Variants in SPAG16 observed in about 807,000 individuals in gnomAD.
The protein encoded by SPAG16 is sperm-associated antigen 16 protein.
A neutral mutation model predicts 80.4 loss-of-function variants in SPAG16; 86 were observed. The observed-to-expected ratio is 1.07, with a 90% CI of 0.90 to 1.28. The LOEUF is 1.28. Ranked by LOEUF, SPAG16 falls within the 50% of genes most tolerant of loss-of-function variation. The pLI, the probability that SPAG16 is intolerant of heterozygous loss-of-function variation, is 0.00. For synonymous variants in SPAG16, 294 were observed against 265.9 expected (o/e 1.11, Z -1.03); for missense variants, 870 against 765.3 (o/e 1.14, Z -1.61).
At chr2:214,324,414 A>G (rs538440340) in intron 15 of SPAG16, among the ~76,000 whole-genome samples, 1 of 152,360 alleles carries the variant, frequency 6.6e-6, no homozygotes, top group South Asian at 2.1e-4. Flanking sequence ...TCTGTTTTCA[A>G]ACCACAAAAG....
rs141142858 is a variant in SPAG16 at position 213,666,837 on chromosome 2, G to C, written c.1070+176747G>C. ...AAGGAAAGTGCAGGAGTTCAGATTAGAAGAGACACATCCATGGCTTAAGAG... is the reference window on the plus strand; with the variant it reads ...AAGGAAAGTGCAGGAGTTCAGATTACAAGAGACACATCCATGGCTTAAGAG... On this transcript the variant is annotated intron_variant, in intron 10 of 15. Coordinates refer to ENST00000331683, the MANE Select transcript of SPAG16 (RefSeq NM_024532.5). Among the ~76,000 whole-genome samples, 627 of 152,262 alleles carry C rather than the reference G, an allele frequency of 4.1e-3. 6 individuals carry two copies. Among genetic ancestry groups the C allele is most frequent in the African/African-American group, 0.014 (592 of 41,568 alleles).
At chr2:213,875,149 C>T (rs1003550612) in intron 11 of SPAG16, among the ~76,000 whole-genome samples, 8 of 151,504 alleles carry the variant, frequency 5.3e-5, no homozygotes, top group Non-Finnish European at 7.4e-5. Flanking sequence ...TTATTGCCCA[C>T]GCTGGTCTCA....
At chr2:214,191,046 G>A (rs971828612) in intron 15 of SPAG16, among the ~76,000 whole-genome samples, 1 of 152,114 alleles carries the variant, frequency 6.6e-6, no homozygotes. Flanking sequence ...GCCAAATCAG[G>A]CTTACTATGG....
intron 15 of SPAG16, among the ~76,000 whole-genome samples, chr2:214,178,640 G>A (rs1179741237): frequency 1.3e-5 from 2 of 151,210 alleles, no homozygotes; most frequent in Admixed American, 6.6e-5. Context: ...AAAATATGTC[G>A]ATAACAAATA....
intron 15 of SPAG16, chr2:214,238,147 T>C (rs766883526): frequency 5.0e-5 from 21 of 420,662 alleles, no homozygotes; most frequent in Non-Finnish European, 8.8e-5. Flanking sequence ...AAATACCACG[T>C]ATCTTTATAG....
Position 213,846,319 on chromosome 2 carries a change from T to TTA in SPAG16, c.1071-16161_1071-16160dup, listed in dbSNP as rs2074624086. Among the ~76,000 whole-genome samples, 7 of 152,104 alleles carry TTA rather than the reference T, an allele frequency of 4.6e-5. No homozygotes were observed. In the South Asian group the frequency reaches 1.2e-3, roughly 27 times the overall value. On this transcript the variant is annotated intron_variant, in intron 10 of 15. Coordinates refer to ENST00000331683, the MANE Select transcript of SPAG16 (RefSeq NM_024532.5). ...TATAAATTATATATAATGTAGTATA[T>TTA]TATATACATGTGTATGTATATATCC... is the stretch of plus-strand genomic sequence containing the variant.
rs866338469 is a variant in SPAG16, at chr2:214,177,989, A to G, written c.1720+28723A>G. ...AGTGTATGTATATATATATATATAT[A>G]TATATATATATATATATATATATTC... On this transcript the variant is annotated intron_variant, in intron 15 of 15. Transcript: ENST00000331683. 3.0e-4 allele frequency among the ~76,000 whole-genome samples: 17 copies of G among 56,998 alleles called. 1 individual carries two copies. Among genetic ancestry groups the G allele is most frequent in the African/African-American group, 6.1e-4 (17 of 27,968 alleles). The allele number at this position is 56,998 out of a possible 152,430, so 37.4% of individuals were successfully genotyped here.
chr2:214,120,699 A>G (rs1349388756), intron 14 of SPAG16, among the ~76,000 whole-genome samples: 1 of 151,862 alleles, frequency 6.6e-6, no homozygotes, highest in Non-Finnish European at 1.5e-5. Context: ...TTCTCAATCT[A>G]CTGTGCTGGA....
At chr2:214,102,730 G>C (rs1213729562) in intron 13 of SPAG16, among the ~76,000 whole-genome samples, 2 of 152,074 alleles carry the variant, frequency 1.3e-5, no homozygotes, top group Non-Finnish European at 2.9e-5. Flanking sequence ...TTCAGCCTTT[G>C]CCTGCTCAGA....
intron 15 of SPAG16, among the ~76,000 whole-genome samples, chr2:214,337,212 G>T (rs965982148): frequency 1.3e-5 from 2 of 152,066 alleles, no homozygotes; most frequent in East Asian, 3.9e-4. Context: ...CTGGAAATGG[G>T]TAAAAGAGAC....
chr2:214,191,248 A>G (rs1021366762), intron 15 of SPAG16, among the ~76,000 whole-genome samples: 22 of 152,150 alleles, frequency 1.4e-4, no homozygotes, highest in African/African-American at 5.3e-4. Flanking sequence ...GCCACTTTCA[A>G]TAATGCTTAT....
chr2:214,053,431 A>G (rs1022664262), intron 13 of SPAG16, among the ~76,000 whole-genome samples: 3 of 152,182 alleles, frequency 2.0e-5, no homozygotes, highest in Non-Finnish European at 4.4e-5. Context: ...AGTACTTACC[A>G]TATCTCAGAC....
At chr2:213,656,968 C>T (rs1031766602) in intron 10 of SPAG16, among the ~76,000 whole-genome samples, 1 of 152,086 alleles carries the variant, frequency 6.6e-6, no homozygotes, top group African/African-American at 2.4e-5. Context: ...CCTGTCTGAA[C>T]GTTTCATTTC....
intron 9 of SPAG16, among the ~76,000 whole-genome samples, chr2:213,440,542 G>T (rs182962938): frequency 6.6e-6 from 1 of 151,944 alleles, no homozygotes; most frequent in African/African-American, 2.4e-5. Context: ...GTGACAGAGC[G>T]AGACTCCATC....
At chr2:214,374,104 G>A (rs1699983525) in intron 15 of SPAG16, among the ~76,000 whole-genome samples, 1 of 152,194 alleles carries the variant, frequency 6.6e-6, no homozygotes, top group African/African-American at 2.4e-5. Flanking sequence ...AAGGTAGGTT[G>A]AGGCCAGCTT....
Position 213,310,102 on chromosome 2 carries a change from T to A in SPAG16, c.323T>A (p.Val108Glu). The change falls in exon 4 of 16, where the codon GTA (valine) becomes GAA (glutamate). Residue 108 changes from valine (V) to glutamate (E), a missense_variant. By Grantham distance (121) the Val-to-Glu change is moderately radical (BLOSUM62 -2). Coordinates refer to ENST00000331683, the MANE Select transcript of SPAG16 (RefSeq NM_024532.5). ...VLPSKHAVPE[V>E]IEDFLCNFLI... Reference sequence around the variant, plus strand: ...CCTTCAAAGCATGCAGTACCTGAAGTAATAGAAGACTTTCTCTGCAATTTC... The same window carrying A: ...CCTTCAAAGCATGCAGTACCTGAAGAAATAGAAGACTTTCTCTGCAATTTC... The A allele has an allele frequency of 1.2e-6, 2 of 1,611,980 alleles. No individual in the cohort carries two copies.
chr2:214,257,274 G>C (rs1166183133), intron 15 of SPAG16, among the ~76,000 whole-genome samples: 2 of 151,910 alleles, frequency 1.3e-5, no homozygotes, highest in Non-Finnish European at 2.9e-5. Context: ...ATTAATCATA[G>C]TAGTTGTGTT....
chr2:214,070,542 T>C (rs1321626921), intron 13 of SPAG16, among the ~76,000 whole-genome samples: 1 of 152,016 alleles, frequency 6.6e-6, no homozygotes, highest in Non-Finnish European at 1.5e-5. Flanking sequence ...GTTCCAGCCA[T>C]TTATTTGTTT....
At chr2:213,431,026 C>T (rs1159414568) in intron 9 of SPAG16, among the ~76,000 whole-genome samples, 4 of 152,110 alleles carry the variant, frequency 2.6e-5, no homozygotes, top group Non-Finnish European at 5.9e-5. Flanking sequence ...CAAGCAAACA[C>T]TGAGGAATTT....
Sources: gnomAD v4.1 joint callset for allele counts (sites outside exome capture counted in the v4.1 genomes callset) on GRCh38, gnomAD v4.1.1 for gene constraint, MANE v1.5 for transcripts, NCBI Gene and HGNC (gene_info 2026-07-23, HGNC 2026-07-21) for gene names.